The following ADAMTSL1 variants were observed in gnomAD, a reference collection of about 807,000 sequenced individuals.
The protein encoded by ADAMTSL1 is ADAMTS like 1, also known as ADAMTS-like protein 1.
In ADAMTSL1, 126 loss-of-function variants were observed where a neutral mutation model predicts 201.8. The ratio of observed to expected loss-of-function variants is 0.62; its 90% CI spans 0.54 to 0.72. The LOEUF (loss-of-function observed/expected upper bound fraction) is 0.72, where lower values mean the gene tolerates loss of function less well. ADAMTSL1 is among the 30% of genes least tolerant of loss of function. The pLI, the probability that ADAMTSL1 is intolerant of heterozygous loss-of-function variation, is 0.00. For missense variants in ADAMTSL1, 2,679 were observed against 2,277.8 expected (o/e 1.18, Z -3.59); for synonymous variants, 1,121 against 903.4 (o/e 1.24, Z -4.32).
At chr9:18,876,301 CGTGTGTGT>C in intron 23 of ADAMTSL1, among the ~76,000 whole-genome samples, 1 of 139,726 alleles carries the variant, frequency 7.2e-6, no homozygotes, top group African/African-American at 2.7e-5. Flanking sequence ...TGCCTGAATA[CGTGTGTGT>C]GTGTGTGTGT....
chr9:18,445,620 C>T (rs904609361), intron 2 of ADAMTSL1, among the ~76,000 whole-genome samples: 1 of 151,974 alleles, frequency 6.6e-6, no homozygotes, highest in Non-Finnish European at 1.5e-5. Flanking sequence ...ACCAAATGTA[C>T]ACCAAAAAAG....
chr9:18,705,474 G>A (rs1832179576), intron 13 of ADAMTSL1, among the ~76,000 whole-genome samples: 3 of 152,010 alleles, frequency 2.0e-5, no homozygotes, highest in Admixed American at 2.0e-4. Flanking sequence ...TGGAGATTTG[G>A]GTATTTTTCT....
intron 7 of ADAMTSL1, among the ~76,000 whole-genome samples, chr9:18,655,738 G>GT (rs1392573646): frequency 7.4e-6 from 1 of 135,944 alleles, no homozygotes; most frequent in Admixed American, 7.7e-5. Flanking sequence ...TTAAATGAAA[G>GT]TTTTTTTCTT....
chr9:18,173,487 C>T (rs1053643581), intron 2 of ADAMTSL1, among the ~76,000 whole-genome samples: 1 of 152,042 alleles, frequency 6.6e-6, no homozygotes, highest in South Asian at 2.1e-4. Flanking sequence ...AAACCATTAT[C>T]CTTTAAGGGA....
At chr9:18,771,729 T>TGG (rs2133723091) in intron 17 of ADAMTSL1, among the ~76,000 whole-genome samples, 1 of 116,046 alleles carries the variant, frequency 8.6e-6, no homozygotes, top group African/African-American at 3.0e-5. Flanking sequence ...TTTTTTTTTT[T>TGG]TTTTGGATAG....
intron 2 of ADAMTSL1, among the ~76,000 whole-genome samples, chr9:18,343,985 G>A (rs144493452): frequency 3.3e-5 from 5 of 152,200 alleles, no homozygotes; most frequent in Non-Finnish European, 7.4e-5. Flanking sequence ...ACAATCCCAT[G>A]TGATTTCTTC....
At chr9:18,708,735 A>G (rs910858523) in intron 14 of ADAMTSL1, among the ~76,000 whole-genome samples, 2 of 152,218 alleles carry the variant, frequency 1.3e-5, no homozygotes, top group African/African-American at 4.8e-5. Flanking sequence ...ATGTGCTTTA[A>G]AAAATTATTT....
chr9:18,852,340 A>T (rs987990357), intron 23 of ADAMTSL1, among the ~76,000 whole-genome samples: 6 of 152,216 alleles, frequency 3.9e-5, no homozygotes, highest in Admixed American at 3.9e-4. Context: ...AAGCACTTAG[A>T]ATGGTGCCTT....
At chr9:17,942,132 T>C (rs547191465) in intron 1 of ADAMTSL1, among the ~76,000 whole-genome samples, 148 of 152,228 alleles carry the variant, frequency 9.7e-4, no homozygotes, top group African/African-American at 3.2e-3. Context: ...GAAAGTAGAA[T>C]AGAAGTTACC....
intron 2 of ADAMTSL1, among the ~76,000 whole-genome samples, chr9:18,367,842 G>A (rs1836843214): frequency 2.6e-5 from 4 of 152,078 alleles, no homozygotes; most frequent in East Asian, 1.9e-4. Context: ...CGGGCAGGTG[G>A]GCAGTCAGAC....
At chr9:18,065,747 G>A (rs1370059612) in intron 1 of ADAMTSL1, among the ~76,000 whole-genome samples, 6 of 152,082 alleles carry the variant, frequency 3.9e-5, no homozygotes, top group Non-Finnish European at 8.8e-5. Context: ...TTGGGAGGCC[G>A]AGGCGGGTGG....
At chr9:18,707,350 T>G (rs1832290183) in intron 14 of ADAMTSL1, among the ~76,000 whole-genome samples, 1 of 152,234 alleles carries the variant, frequency 6.6e-6, no homozygotes, top group Non-Finnish European at 1.5e-5. Flanking sequence ...CAGTTGACAC[T>G]GACCTGGCCG....
intron 2 of ADAMTSL1, among the ~76,000 whole-genome samples, chr9:18,291,747 T>TCTCACACACA (rs1354410845): frequency 3.0e-5 from 3 of 99,806 alleles, no homozygotes; most frequent in African/African-American, 8.0e-5. Context: ...TCTCTCTCTC[T>TCTCACACACA]CACACACACA....
At chr9:18,078,326 A>G (rs1245906426) in intron 1 of ADAMTSL1, among the ~76,000 whole-genome samples, 4 of 152,176 alleles carry the variant, frequency 2.6e-5, no homozygotes, top group Non-Finnish European at 1.5e-5. Context: ...CCTAGGAAAT[A>G]GAGGTTCCTG....
At chr9:18,584,835 T>A (rs1459845191) in intron 4 of ADAMTSL1, among the ~76,000 whole-genome samples, 1 of 152,134 alleles carries the variant, frequency 6.6e-6, no homozygotes, top group East Asian at 1.9e-4. Context: ...ATGGATGATG[T>A]AGCAAGAAGG....
intron 1 of ADAMTSL1, among the ~76,000 whole-genome samples, chr9:18,056,694 T>C (rs542716826): frequency 6.6e-6 from 1 of 152,326 alleles, no homozygotes; most frequent in East Asian, 1.9e-4. Flanking sequence ...GAATCTTAAG[T>C]GCACAAAAGT....
intron 10 of ADAMTSL1, among the ~76,000 whole-genome samples, 197 bp from the exon 11 acceptor site, chr9:18,680,115 C>T (rs1830372575): frequency 6.6e-6 from 1 of 152,208 alleles, no homozygotes; most frequent in Admixed American, 6.5e-5. Context: ...TCACGGTTTG[C>T]AGAGCCCTTT....
chr9:18,278,024 C>A (rs73643216), intron 2 of ADAMTSL1, among the ~76,000 whole-genome samples: 1,683 of 152,148 alleles, frequency 0.011, 32 homozygotes, highest in African/African-American at 0.039. Context: ...ATAATTACTT[C>A]AACTTCATAT....
chr9:17,915,515 G>A (rs1826057169), intron 1 of ADAMTSL1, among the ~76,000 whole-genome samples: 2 of 152,176 alleles, frequency 1.3e-5, no homozygotes, highest in Non-Finnish European at 1.5e-5. Flanking sequence ...AAATAAAGCT[G>A]CTGCAAACAT....
Sources: allele counts gnomAD v4.1 joint callset (sites outside exome capture counted in the v4.1 genomes callset), GRCh38; gene constraint gnomAD v4.1.1; transcripts MANE v1.5; gene names NCBI Gene and HGNC (gene_info 2026-07-23, HGNC 2026-07-21).